The following SDCCAG8 variants were observed in gnomAD, a reference collection of about 807,000 sequenced individuals.
SDCCAG8 encodes serologically defined colon cancer antigen 8.
SDCCAG8 carries 74 observed loss-of-function variants against 101.8 expected under a neutral mutation model. The observed-to-expected ratio is 0.73, with a 90% CI of 0.60 to 0.88. The LOEUF is 0.88. Ranked by LOEUF, SDCCAG8 falls within the 40% of genes least tolerant of loss-of-function variation. SDCCAG8 has a pLI of 0.00. For missense variants in SDCCAG8, 787 were observed against 822.6 expected (o/e 0.96, Z 0.53); for synonymous variants, 281 against 292.9 (o/e 0.96, Z 0.41).
chr1:243,320,551 G>C (rs1192339135), intron 9 of SDCCAG8, among the ~76,000 whole-genome samples: 3 of 152,116 alleles, frequency 2.0e-5, no homozygotes, highest in Non-Finnish European at 4.4e-5. Context: ...AGGGCTTAGG[G>C]GGTGAACATG....
intron 16 of SDCCAG8, among the ~76,000 whole-genome samples, chr1:243,440,066 T>A (rs1240811646): frequency 6.6e-6 from 1 of 152,204 alleles, no homozygotes; most frequent in African/African-American, 2.4e-5. Context: ...GCTTTCTGCC[T>A]GGGTTCTAGT....
chr1:243,403,177 GA>G (rs2079522919), intron 13 of SDCCAG8, among the ~76,000 whole-genome samples: 1 of 152,164 alleles, frequency 6.6e-6, no homozygotes, highest in East Asian at 1.9e-4. Context: ...TTATTAATGA[GA>G]AAACAGAGGC....
In SDCCAG8 at chr1:243,293,892, C is replaced by T. The variant is rs143029124; in HGVS notation, c.675+673C>T. 2.5e-3 allele frequency among the ~76,000 whole-genome samples: 385 copies of T among 152,228 alleles called. 3 individuals carry two copies. The highest frequency in any genetic ancestry group is 9.0e-3 in the African/African-American group (375 of 41,546). On this transcript the variant is annotated intron_variant, in intron 6 of 17. Coordinates refer to ENST00000366541, the MANE Select transcript of SDCCAG8 (RefSeq NM_006642.5). Reference sequence around the variant, plus strand: ...ATTTTAATTGTCGTTTCTTAAAGTTCATCAATTCGTTTTTCTACCTGCTCA... The same window carrying T: ...ATTTTAATTGTCGTTTCTTAAAGTTTATCAATTCGTTTTTCTACCTGCTCA...
chr1:243,498,183 C>G (rs920076716), intron 17 of SDCCAG8, among the ~76,000 whole-genome samples: 2 of 152,214 alleles, frequency 1.3e-5, no homozygotes, highest in Non-Finnish European at 2.9e-5. Flanking sequence ...AGTTCGATCA[C>G]CTGGCCTGGA....
At chr1:243,495,163 C>T (rs1368792462) in intron 17 of SDCCAG8, among the ~76,000 whole-genome samples, 1 of 152,226 alleles carries the variant, frequency 6.6e-6, no homozygotes. Context: ...CTTGGGTGCG[C>T]CCTGGGGAGG....
intron 16 of SDCCAG8, among the ~76,000 whole-genome samples, chr1:243,430,916 G>A (rs142030767): frequency 2.0e-5 from 3 of 152,218 alleles, no homozygotes; most frequent in Non-Finnish European, 4.4e-5. Context: ...GACCAGTTAT[G>A]GGCCGGGCGT....
chr1:243,450,870 G>A (rs1442114813), intron 16 of SDCCAG8, among the ~76,000 whole-genome samples: 2 of 152,170 alleles, frequency 1.3e-5, no homozygotes, highest in Non-Finnish European at 2.9e-5. Flanking sequence ...TGTTGGCCAG[G>A]CTGGTCTTGA....
At chr1:243,378,298 A>T (rs1407305062) in intron 12 of SDCCAG8, among the ~76,000 whole-genome samples, 1 of 152,006 alleles carries the variant, frequency 6.6e-6, no homozygotes, top group Non-Finnish European at 1.5e-5. Flanking sequence ...GTTTTGAAAC[A>T]CCCAAATGAA....
At chr1:243,412,904 A>C (rs1368371995) in intron 13 of SDCCAG8, among the ~76,000 whole-genome samples, 1 of 151,856 alleles carries the variant, frequency 6.6e-6, no homozygotes, top group Non-Finnish European at 1.5e-5. Context: ...GTTCCCTTTT[A>C]GTTCTAACAT....
chr1:243,267,647 A>G, intron 1 of SDCCAG8: 1 of 742,316 alleles, frequency 1.3e-6, no homozygotes, highest in Non-Finnish European at 2.5e-6. Context: ...GGCACAATGT[A>G]ACACTTACAC....
intron 12 of SDCCAG8, among the ~76,000 whole-genome samples, chr1:243,369,125 C>G (rs1042060615): frequency 1.3e-5 from 2 of 152,000 alleles, no homozygotes; most frequent in African/African-American, 4.8e-5. Flanking sequence ...GCATTTAGAG[C>G]CATATATTCC....
At chr1:243,289,083 T>C (rs1299352770) in intron 5 of SDCCAG8, among the ~76,000 whole-genome samples, 1 of 151,666 alleles carries the variant, frequency 6.6e-6, no homozygotes, top group Non-Finnish European at 1.5e-5. Flanking sequence ...TAATATGATA[T>C]AATATATATA....
chr1:243,480,307 GGATGGATGGA>G (rs1663220720), intron 16 of SDCCAG8, among the ~76,000 whole-genome samples: 1 of 135,424 alleles, frequency 7.4e-6, no homozygotes, highest in African/African-American at 3.2e-5. Flanking sequence ...TGGATGAGTG[GGATGGATGGA>G]TGGGTGGGAT....
At chr1:243,377,046 A>G (rs764181388) in intron 12 of SDCCAG8, among the ~76,000 whole-genome samples, 2 of 152,040 alleles carry the variant, frequency 1.3e-5, no homozygotes, top group Non-Finnish European at 2.9e-5. Flanking sequence ...TGAGGCATGA[A>G]TTTTCTCTAT....
At chr1:243,268,623 A>G (rs1004777622) in intron 1 of SDCCAG8, among the ~76,000 whole-genome samples, 4 of 152,234 alleles carry the variant, frequency 2.6e-5, no homozygotes, top group Non-Finnish European at 5.9e-5. Context: ...TTCTTTTATC[A>G]AAGTAGAAAA....
At chr1:243,284,001 C>T (rs573833257) in intron 4 of SDCCAG8, among the ~76,000 whole-genome samples, 2 of 152,280 alleles carry the variant, frequency 1.3e-5, no homozygotes, top group East Asian at 3.9e-4. Flanking sequence ...ACCTTGGCCT[C>T]CCAAAGTGCT....
chr1:243,439,959 C>T (rs997629675), intron 16 of SDCCAG8, among the ~76,000 whole-genome samples: 3 of 152,154 alleles, frequency 2.0e-5, no homozygotes, highest in Non-Finnish European at 4.4e-5. Flanking sequence ...TAGAAAGCTT[C>T]CCAGGTTGTA....
intron 5 of SDCCAG8, 121 bp from the exon 6 acceptor site, chr1:243,292,970 G>A: frequency 8.7e-7 from 1 of 1,147,864 alleles, no homozygotes; most frequent in Non-Finnish European, 1.3e-6. Flanking sequence ...TTCTTGACCT[G>A]TAGTGTAGAA....
Position 243,426,516 on chromosome 1 carries a change from AGTGT to A in SDCCAG8, c.1946_1949del (p.Cys649SerfsTer10), listed in dbSNP as rs397515336. The A allele has an allele frequency of 6.2e-7, 1 of 1,614,052 alleles. No homozygotes were observed. The highest frequency in any genetic ancestry group is 8.5e-7 in the Non-Finnish European group (1 of 1,179,952). ...AGAAGAAATGAAGAATTGGAGGAAC[AGTGT>A]GTCCAGCATGGGAGAGTACATGAGA... On this transcript the variant is annotated frameshift_variant, in exon 16 of 18. Coordinates refer to ENST00000366541, the MANE Select transcript of SDCCAG8 (RefSeq NM_006642.5). LOFTEE classifies it high-confidence loss of function.
Sources: allele counts gnomAD v4.1 joint callset (sites outside exome capture counted in the v4.1 genomes callset), GRCh38; gene constraint gnomAD v4.1.1; transcripts MANE v1.5; gene names NCBI Gene and HGNC (gene_info 2026-07-23, HGNC 2026-07-21).